SORCS3: variants seen among roughly 807,000 people sequenced by gnomAD.
The protein encoded by SORCS3 is sortilin related VPS10 domain containing receptor 3.
A neutral mutation model predicts 146.3 loss-of-function variants in SORCS3; 57 were observed. The observed-to-expected ratio is 0.39, with a 90% confidence interval of 0.31 to 0.49. SORCS3 has a LOEUF of 0.49. Among genes scored for constraint, SORCS3 ranks in the 20% least tolerant of loss-of-function variants. SORCS3 has a pLI of 0.92. For synonymous variants in SORCS3, 653 were observed against 618.5 expected (o/e 1.06, Z -0.83); for missense variants, 1,341 against 1,575.5 (o/e 0.85, Z 2.52).
At chr10:104,785,602 A>AG (rs2017425540) in intron 1 of SORCS3, among the ~76,000 whole-genome samples, 1 of 151,934 alleles carries the variant, frequency 6.6e-6, no homozygotes, top group South Asian at 2.1e-4. Context: ...AAAAAAAAAA[A>AG]TGTGCTTGCT....
At chr10:104,747,420 A>C (rs2016923620) in intron 1 of SORCS3, among the ~76,000 whole-genome samples, 1 of 152,198 alleles carries the variant, frequency 6.6e-6, no homozygotes. Flanking sequence ...TCTCAGCTCT[A>C]GTGAGGTAGA....
intron 3 of SORCS3, among the ~76,000 whole-genome samples, chr10:104,940,238 A>ATATATATTT (rs1435205868): frequency 2.2e-4 from 7 of 31,514 alleles, no homozygotes; most frequent in Admixed American, 8.3e-4. Flanking sequence ...ATATATATAT[A>ATATATATTT]TTTTTTTTTT....
At chr10:105,152,217 A>T (rs2056172788) in intron 9 of SORCS3, among the ~76,000 whole-genome samples, 1 of 152,216 alleles carries the variant, frequency 6.6e-6, no homozygotes, top group Non-Finnish European at 1.5e-5. Context: ...AATAATAACC[A>T]CAGCATACCT....
At chr10:104,742,481 C>T (rs975643645) in intron 1 of SORCS3, among the ~76,000 whole-genome samples, 2 of 152,100 alleles carry the variant, frequency 1.3e-5, no homozygotes, top group African/African-American at 4.8e-5. Flanking sequence ...CTCTAAGGAG[C>T]TTGGGTAGAG....
At chr10:104,984,682 A>G (rs1240194471) in intron 4 of SORCS3, among the ~76,000 whole-genome samples, 2 of 152,186 alleles carry the variant, frequency 1.3e-5, no homozygotes, top group Non-Finnish European at 2.9e-5. Flanking sequence ...GTATATATTA[A>G]TACCTATTAA....
At position 105,113,242 on chromosome 10, in the gene SORCS3, G is replaced by A. The variant is rs1378343946; in HGVS notation, c.1212+7727G>A. Among the ~76,000 whole-genome samples, 3 of 152,188 alleles carry A rather than the reference G, an allele frequency of 2.0e-5. No homozygotes were observed. In the East Asian group the frequency reaches 5.8e-4, roughly 29 times the overall value. On this transcript the variant is annotated intron_variant, in intron 7 of 26. Coordinates refer to ENST00000369701, the MANE Select transcript of SORCS3 (RefSeq NM_014978.3). ...TTTTCCATGTGTGGACAGCTGAACC[G>A]TGTGGAATGCAGGTGAGATCCAGGC... is the stretch of plus-strand genomic sequence containing the variant.
In SORCS3 at chr10:105,264,552, T is replaced by A. The variant is rs1277005006; in HGVS notation, c.*1178T>A. Reference sequence around the variant, plus strand: ...TGGAAGGGAAGAGGCATTTGTGGAATTATGAGTTCATGCAAAACTCTCCAG... The same window carrying A: ...TGGAAGGGAAGAGGCATTTGTGGAAATATGAGTTCATGCAAAACTCTCCAG... On this transcript the variant is annotated 3_prime_UTR_variant, in exon 27 of 27. Coordinates refer to ENST00000369701, the MANE Select transcript of SORCS3 (RefSeq NM_014978.3). 1 of 152,616 alleles carries A rather than the reference T, an allele frequency of 6.6e-6. No homozygotes were observed. The highest frequency in any genetic ancestry group is 1.5e-5 in the Non-Finnish European group (1 of 68,040). The allele number at this position is 152,616 out of a possible 1,614,324, so 9.5% of individuals were successfully genotyped here.
intron 3 of SORCS3, among the ~76,000 whole-genome samples, chr10:104,934,483 C>T (rs2019240198): frequency 6.6e-6 from 1 of 152,108 alleles, no homozygotes; most frequent in South Asian, 2.1e-4. Context: ...TAACACACAG[C>T]CTGGGCACAT....
chr10:105,218,344 C>A (rs1246866183), intron 19 of SORCS3, among the ~76,000 whole-genome samples: 1 of 152,160 alleles, frequency 6.6e-6, no homozygotes, highest in African/African-American at 2.4e-5. Flanking sequence ...AGTAAACACA[C>A]AAAAAACACC....
rs139287002 is a variant in SORCS3, at chr10:105,000,121, C to T, written c.954+22628C>T. 3.9e-5 allele frequency among the ~76,000 whole-genome samples: 6 copies of T among 152,032 alleles called. No homozygotes were observed. In the East Asian group the frequency reaches 1.2e-3, roughly 29 times the overall value. The stretch of plus-strand genomic sequence containing the variant: ...ATACAACAAAATTAAAAATAAATGT[C>T]CCAAGCCAACAAAAAGACAAGGACA... On this transcript the variant is annotated intron_variant, in intron 4 of 26. Transcript: ENST00000369701.
At chr10:104,704,299 C>T (rs1348136505) in intron 1 of SORCS3, among the ~76,000 whole-genome samples, 1 of 151,938 alleles carries the variant, frequency 6.6e-6, no homozygotes, top group Non-Finnish European at 1.5e-5. Context: ...TACTGAGTTG[C>T]TGGGACTACA....
chr10:105,250,472 G>A (rs1041299038), intron 22 of SORCS3, among the ~76,000 whole-genome samples: 5 of 152,096 alleles, frequency 3.3e-5, no homozygotes, highest in Admixed American at 2.0e-4. Flanking sequence ...CCAATCACTC[G>A]TATGTCCCTT....
At chr10:104,868,603 C>G (rs1367892888) in intron 2 of SORCS3, among the ~76,000 whole-genome samples, 1 of 152,204 alleles carries the variant, frequency 6.6e-6, no homozygotes, top group African/African-American at 2.4e-5. Context: ...CTGATGGCAT[C>G]TCAGCCAGTG....
intron 3 of SORCS3, among the ~76,000 whole-genome samples, chr10:104,942,782 T>C (rs967522227): frequency 1.3e-5 from 2 of 152,200 alleles, no homozygotes; most frequent in Non-Finnish European, 2.9e-5. Flanking sequence ...AGAACTTCCT[T>C]AATGAGATAA....
intron 1 of SORCS3, among the ~76,000 whole-genome samples, chr10:104,774,633 C>T (rs188418199): frequency 1.3e-5 from 2 of 152,266 alleles, no homozygotes; most frequent in African/African-American, 2.4e-5. Context: ...AGTTCCTCTT[C>T]GAGCCTTGTT....
intron 8 of SORCS3, 64 bp from the exon 9 acceptor site, chr10:105,147,553 G>T: frequency 7.2e-7 from 1 of 1,388,776 alleles, no homozygotes; most frequent in South Asian, 1.4e-5. Flanking sequence ...GTAATTACTT[G>T]GCATCCCAAT....
intron 2 of SORCS3, among the ~76,000 whole-genome samples, chr10:104,913,833 C>T (rs1290210887): frequency 2.1e-5 from 3 of 140,418 alleles, no homozygotes; most frequent in African/African-American, 5.5e-5. Context: ...TACAGTGGTG[C>T]GATCTCAGCT....
intron 4 of SORCS3, among the ~76,000 whole-genome samples, chr10:104,979,589 G>A (rs1002886579): frequency 6.6e-6 from 1 of 151,228 alleles, no homozygotes; most frequent in Non-Finnish European, 1.5e-5. Flanking sequence ...GTGTGCATGC[G>A]ATCATGTGAT....
chr10:104,783,560 T>C (rs927361110), intron 1 of SORCS3, among the ~76,000 whole-genome samples: 1 of 152,146 alleles, frequency 6.6e-6, no homozygotes, highest in Admixed American at 6.5e-5. Flanking sequence ...AAGCCCCGTC[T>C]CTGCAAAAAT....
Sources: gnomAD v4.1 joint callset for allele counts (sites outside exome capture counted in the v4.1 genomes callset) on GRCh38, gnomAD v4.1.1 for gene constraint, MANE v1.5 for transcripts, NCBI Gene and HGNC (gene_info 2026-07-23, HGNC 2026-07-21) for gene names.